SERGEF: variants seen among roughly 807,000 people sequenced by gnomAD.
SERGEF encodes secretion-regulating guanine nucleotide exchange factor.
In SERGEF, 51 loss-of-function variants were observed where a neutral mutation model predicts 50.0. The observed-to-expected ratio is 1.02, with a 90% CI of 0.81 to 1.29. The LOEUF (loss-of-function observed/expected upper bound fraction) is 1.29. Among genes scored for constraint, SERGEF ranks in the 50% most tolerant of loss-of-function variants. SERGEF has a pLI of 0.00. For synonymous variants in SERGEF, 205 were observed against 212.4 expected, an observed-to-expected ratio of 0.97 and a Z score of 0.30; for missense variants, 521 against 557.0, an observed-to-expected ratio of 0.94 and a Z score of 0.65.
intron 4 of SERGEF, chr11:18,000,841 TA>T: frequency 1.7e-6 from 1 of 579,486 alleles, no homozygotes; most frequent in Admixed American, 2.2e-5. Context: ...ATGTTTTCTG[TA>T]AAGGGACAGT....
intron 10 of SERGEF, among the ~76,000 whole-genome samples, chr11:17,852,683 A>G (rs1414717763): frequency 6.6e-6 from 1 of 152,234 alleles, no homozygotes; most frequent in Non-Finnish European, 1.5e-5. Context: ...AAAAGCAAAG[A>G]AGTAGGTACA....
chr11:17,810,483 A>G (rs1456453685), intron 10 of SERGEF, among the ~76,000 whole-genome samples: 1 of 152,216 alleles, frequency 6.6e-6, no homozygotes, highest in Non-Finnish European at 1.5e-5. Context: ...CAGCAAGGGC[A>G]TCTACAGATC....
At chr11:17,904,536 T>C (rs978006955) in intron 9 of SERGEF, among the ~76,000 whole-genome samples, 7 of 152,240 alleles carry the variant, frequency 4.6e-5, no homozygotes, top group Admixed American at 3.3e-4. Context: ...AGCTTTACTC[T>C]GTCTATTCAA....
At chr11:17,930,513 T>C (rs1429943663) in intron 9 of SERGEF, among the ~76,000 whole-genome samples, 1 of 152,182 alleles carries the variant, frequency 6.6e-6, no homozygotes, top group African/African-American at 2.4e-5. Context: ...GCTGCAGCCA[T>C]GGGGAGAAGA....
chr11:17,873,568 A>G (rs1851186155), intron 10 of SERGEF, among the ~76,000 whole-genome samples: 1 of 152,204 alleles, frequency 6.6e-6, no homozygotes, highest in Non-Finnish European at 1.5e-5. Flanking sequence ...TTATAAAGGT[A>G]CAATGGTTCA....
At chr11:17,794,310 G>A (rs1000181829) in intron 10 of SERGEF, among the ~76,000 whole-genome samples, 2 of 152,174 alleles carry the variant, frequency 1.3e-5, no homozygotes, top group Admixed American at 1.3e-4. Context: ...ATGTGGATGC[G>A]ATAGCTGGAG....
At chr11:17,842,897 T>A (rs1290137957) in intron 10 of SERGEF, among the ~76,000 whole-genome samples, 1 of 152,190 alleles carries the variant, frequency 6.6e-6, no homozygotes, top group East Asian at 1.9e-4. Context: ...ACACAGAGTG[T>A]GTGAAGAGAG....
intron 9 of SERGEF, among the ~76,000 whole-genome samples, chr11:17,947,901 T>G (rs1328900368): frequency 6.6e-6 from 1 of 152,100 alleles, no homozygotes; most frequent in African/African-American, 2.4e-5. Context: ...AAACAGGAAC[T>G]AACATTATTA....
intron 7 of SERGEF, among the ~76,000 whole-genome samples, chr11:17,990,083 C>T (rs1448805475): frequency 6.6e-6 from 1 of 152,238 alleles, no homozygotes; most frequent in Non-Finnish European, 1.5e-5. Context: ...TCTGCTTTCA[C>T]TGCATTTTGT....
At chr11:17,843,641 G>A (rs1850548057) in intron 10 of SERGEF, among the ~76,000 whole-genome samples, 2 of 152,148 alleles carry the variant, frequency 1.3e-5, no homozygotes, top group Non-Finnish European at 2.9e-5. Context: ...ATGTGTATAG[G>A]TGGTATAAAG....
At chr11:17,891,821 C>A (rs1037946323) in intron 9 of SERGEF, among the ~76,000 whole-genome samples, 2 of 152,190 alleles carry the variant, frequency 1.3e-5, no homozygotes, top group Non-Finnish European at 2.9e-5. Context: ...GTACAGACTG[C>A]CTCTCAAAGC....
chr11:18,007,830 T>C (rs1304809527), intron 2 of SERGEF, 111 bp downstream of exon 2: 19 of 1,141,976 alleles, frequency 1.7e-5, no homozygotes, highest in Non-Finnish European at 2.2e-5. Context: ...TTCACAAAAA[T>C]ACATTATTTT....
At chr11:17,995,609 C>T (rs1853821268) in intron 6 of SERGEF, among the ~76,000 whole-genome samples, 187 bp downstream of exon 6, 1 of 152,200 alleles carries the variant, frequency 6.6e-6, no homozygotes, top group Admixed American at 6.5e-5. Flanking sequence ...CAAACTCTGG[C>T]AGCAAAGAGG....
intron 9 of SERGEF, among the ~76,000 whole-genome samples, chr11:17,897,663 T>A (rs1241125433): frequency 6.6e-6 from 1 of 152,202 alleles, no homozygotes; most frequent in Non-Finnish European, 1.5e-5. Context: ...TTCATTAATA[T>A]GAAACTCTAG....
chr11:17,828,528 A>G (rs189489596), intron 10 of SERGEF, among the ~76,000 whole-genome samples: 1 of 152,322 alleles, frequency 6.6e-6, no homozygotes, highest in Admixed American at 6.5e-5. Context: ...GTCCTTATAA[A>G]TAATACATTT....
intron 9 of SERGEF, among the ~76,000 whole-genome samples, chr11:17,917,456 T>G (rs7102339): frequency 6.6e-6 from 1 of 152,180 alleles, no homozygotes; most frequent in Admixed American, 6.5e-5. Flanking sequence ...AGACTGCAAA[T>G]TGGGTTTAAT....
chr11:17,807,233 T>C (rs981578693), intron 10 of SERGEF, among the ~76,000 whole-genome samples: 1 of 152,114 alleles, frequency 6.6e-6, no homozygotes, highest in Non-Finnish European at 1.5e-5. Context: ...GATGCTGCCA[T>C]GGTAACAGCA....
At chr11:17,825,096 T>C (rs1446688255) in intron 10 of SERGEF, among the ~76,000 whole-genome samples, 1 of 152,202 alleles carries the variant, frequency 6.6e-6, no homozygotes, top group Non-Finnish European at 1.5e-5. Context: ...TGAATGCTGA[T>C]TCATTAATCA....
At chr11:17,841,862 T>C (rs1044718352) in intron 10 of SERGEF, among the ~76,000 whole-genome samples, 3 of 152,232 alleles carry the variant, frequency 2.0e-5, no homozygotes, top group Non-Finnish European at 4.4e-5. Flanking sequence ...TTTGTCCATA[T>C]GCCTAGAAAG....
Sources: allele counts gnomAD v4.1 joint callset (sites outside exome capture counted in the v4.1 genomes callset), GRCh38; gene constraint gnomAD v4.1.1; transcripts MANE v1.5; gene names NCBI Gene and HGNC (gene_info 2026-07-23, HGNC 2026-07-21).